Variants in MANEA observed in about 807,000 individuals in gnomAD.
MANEA encodes glycoprotein endo-alpha-1,2-mannosidase.
In MANEA, 25 loss-of-function variants were observed where a neutral mutation model predicts 36.8. The observed-to-expected ratio is 0.68, with a 90% CI of 0.50 to 0.95. The LOEUF (loss-of-function observed/expected upper bound fraction) is 0.95, where lower values mean the gene tolerates loss of function less well. Ranked by LOEUF, MANEA falls within the 40% of genes least tolerant of loss-of-function variation. MANEA has a pLI of 0.00. For missense variants in MANEA, 565 were observed against 558.8 expected (o/e 1.01, Z -0.11); for synonymous variants, 198 against 188.5 (o/e 1.05, Z -0.41).
chr6:95,581,794 G>C (rs553469078), intron 1 of MANEA, among the ~76,000 whole-genome samples: 16 of 152,134 alleles, frequency 1.1e-4, no homozygotes, highest in African/African-American at 3.9e-4. Context: ...AAATCTGTTA[G>C]TTATTTCTCC....
intron 2 of MANEA, among the ~76,000 whole-genome samples, chr6:95,595,975 A>G (rs1456478600): frequency 6.6e-6 from 1 of 152,190 alleles, no homozygotes; most frequent in Non-Finnish European, 1.5e-5. Flanking sequence ...AGGTGAATGT[A>G]TAAAATAAAT....
Position 95,605,740 on chromosome 6 carries a change from T to A in MANEA, c.732-8T>A, listed in dbSNP as rs536678192. 1.3e-5 allele frequency: 20 copies of A among 1,596,310 alleles called. No individual in the cohort carries two copies. The highest frequency in any genetic ancestry group is 1.5e-5 in the Non-Finnish European group (18 of 1,167,984). The stretch of plus-strand genomic sequence containing the variant: ...TTCATTTCACTTTTATATATGCTTA[T>A]TTTCTAGATATGGAAATCATCCGGC... On this transcript the variant is annotated splice_region_variant and splice_polypyrimidine_tract_variant and intron_variant, in intron 4 of 4. Coordinates refer to ENST00000358812, the MANE Select transcript of MANEA (RefSeq NM_024641.4).
intron 2 of MANEA, among the ~76,000 whole-genome samples, chr6:95,589,416 G>T (rs1769343148): frequency 6.6e-6 from 1 of 152,128 alleles, no homozygotes; most frequent in South Asian, 2.1e-4. Flanking sequence ...AAGTAATTAT[G>T]CTGTTATATC....
At chr6:95,580,812 G>T (rs893668266) in intron 1 of MANEA, among the ~76,000 whole-genome samples, 1 of 151,984 alleles carries the variant, frequency 6.6e-6, no homozygotes, top group Non-Finnish European at 1.5e-5. Context: ...TTTCACTGTG[G>T]AATTAGGAGA....
At chr6:95,579,355 G>A (rs919795672) in intron 1 of MANEA, among the ~76,000 whole-genome samples, 22 of 152,202 alleles carry the variant, frequency 1.4e-4, no homozygotes, top group Admixed American at 1.3e-3. Context: ...CATGGCAACA[G>A]AGTGAGACTC....
Position 95,607,740 on chromosome 6 carries a change from TAC to T in MANEA, c.*1337_*1338del, listed in dbSNP as rs1469566399. On this transcript the variant is annotated 3_prime_UTR_variant, in exon 5 of 5. Coordinates refer to ENST00000358812, the MANE Select transcript of MANEA (RefSeq NM_024641.4). ...AACTAAATAAAATGCACTGTATTCT[TAC>T]AGTTAATGTTTATAACTATAGTAAA... is the stretch of plus-strand genomic sequence containing the variant. 6.6e-6 allele frequency: 1 copy of T among 151,720 alleles called. No individual in the cohort carries two copies. The highest frequency in any genetic ancestry group is 1.5e-5 in the Non-Finnish European group (1 of 67,750). The allele number at this position is 151,720 out of a possible 1,614,324, so 9.4% of individuals were successfully genotyped here.
At chr6:95,584,416 C>G (rs867969631) in intron 1 of MANEA, among the ~76,000 whole-genome samples, 17 of 152,236 alleles carry the variant, frequency 1.1e-4, no homozygotes, top group Middle Eastern at 6.8e-3. Flanking sequence ...AGCGGCCGCT[C>G]TGGGAGTGTC....
intron 3 of MANEA, among the ~76,000 whole-genome samples, chr6:95,600,832 C>T (rs1440372256): frequency 1.3e-5 from 2 of 152,174 alleles, no homozygotes; most frequent in Admixed American, 1.3e-4. Flanking sequence ...ATCCGTCTCA[C>T]AGTTAAACTT....
chr6:95,586,881 G>T lies in MANEA; in HGVS notation c.442G>T (p.Asp148Tyr). The T allele has an allele frequency of 6.2e-7, 1 of 1,613,614 alleles. No individual in the cohort carries two copies. Among genetic ancestry groups the T allele is most frequent in the Non-Finnish European group, 8.5e-7 (1 of 1,179,586 alleles). ...NYPQGRHNPP[D>Y]DIGSSFYPEL... Reference sequence around the variant, plus strand: ...TCCACAAGGGAGACACAACCCTCCAGATGACATTGGCTCCAGCTTTTATCC... The same window carrying T: ...TCCACAAGGGAGACACAACCCTCCATATGACATTGGCTCCAGCTTTTATCC... Residue 148 changes from aspartate (D) to tyrosine (Y), a missense_variant, in exon 2 of 5, where the codon GAT becomes TAT. Coordinates refer to ENST00000358812, the MANE Select transcript of MANEA (RefSeq NM_024641.4).
Position 95,578,442 on chromosome 6 carries a change from T to A in MANEA, c.-39+804T>A, listed in dbSNP as rs1769115574. Among the ~76,000 whole-genome samples, 3 of 152,180 alleles carry A rather than the reference T, an allele frequency of 2.0e-5. 1 individual carries two copies. In the South Asian group the frequency reaches 6.2e-4, roughly 31 times the overall value. On this transcript the variant is annotated intron_variant, in intron 1 of 4. Transcript: ENST00000358812. The stretch of plus-strand genomic sequence containing the variant: ...AACTTGAAAATAAGAAAAATGGGAC[T>A]GGAATAGGCTGTTCACGTTAAAGTA...
rs1769492297 is a variant in MANEA at position 95,596,829 on chromosome 6, CA to C, written c.638del (p.His213LeufsTer5). ...NLVPTILDKA[H>X]KYNLKVTFHI... ...GGTACCCACTATTTTGGATAAAGCT[CA>C]TAAATATAACCTAAAGGTATTTTAT... is the stretch of plus-strand genomic sequence containing the variant. On this transcript the variant is annotated frameshift_variant, in exon 3 of 5. Transcript: ENST00000358812. LOFTEE classifies it high-confidence loss of function. 3.2e-6 allele frequency: 5 copies of C among 1,547,202 alleles called. No individual in the cohort carries two copies. Among genetic ancestry groups the C allele is most frequent in the Non-Finnish European group, 4.5e-6 (5 of 1,119,866 alleles).
chr6:95,594,866 C>T (rs556836251), intron 2 of MANEA, among the ~76,000 whole-genome samples: 2 of 152,252 alleles, frequency 1.3e-5, no homozygotes, highest in South Asian at 2.1e-4. Context: ...AACAGACCTC[C>T]TTGCTCACTT....
intron 2 of MANEA, among the ~76,000 whole-genome samples, chr6:95,589,102 GATA>G (rs1431773273): frequency 7.4e-5 from 11 of 148,818 alleles, no homozygotes. Context: ...AAATAAACTT[GATA>G]ATAAAAGTGA....
intron 2 of MANEA, among the ~76,000 whole-genome samples, chr6:95,593,219 T>C (rs939915216): frequency 3.3e-5 from 5 of 152,342 alleles, no homozygotes; most frequent in Non-Finnish European, 7.4e-5. Context: ...CGACAATCAC[T>C]GGCGTGGTTC....
rs1769706717 is a variant in MANEA, at chr6:95,606,149, A to G, written c.1133A>G (p.Asn378Ser). The change falls in exon 5 of 5, where the codon AAT becomes AGT. Residue 378 changes from asparagine to serine, a missense_variant. Coordinates refer to ENST00000358812, the MANE Select transcript of MANEA (RefSeq NM_024641.4). ...ACGCAAAACACTCGGAACCGAATCAATGGGAAGTATTATGAAATTGGTCTG... is the reference window on the plus strand; with the variant it reads ...ACGCAAAACACTCGGAACCGAATCAGTGGGAAGTATTATGAAATTGGTCTG... ...WNTQNTRNRI[N>S]GKYYEIGLSA... 4.3e-6 allele frequency: 7 copies of G among 1,614,128 alleles called. No individual in the cohort carries two copies. The highest frequency in any genetic ancestry group is 5.1e-6 in the Non-Finnish European group (6 of 1,179,992).
intron 4 of MANEA, among the ~76,000 whole-genome samples, chr6:95,605,369 G>C (rs1769684189): frequency 6.6e-6 from 1 of 152,066 alleles, no homozygotes; most frequent in Non-Finnish European, 1.5e-5. Flanking sequence ...AATAGTCTGT[G>C]ACAGATGCCA....
At position 95,605,777 on chromosome 6, in the gene MANEA, A is replaced by G. The variant is rs1381643617; in HGVS notation, c.761A>G (p.Tyr254Cys). Residue 254 changes from tyrosine (Y) to cysteine (C), a missense_variant, in exon 5 of 5, where the codon TAC becomes TGC. Transcript: ENST00000358812. ...KYGNHPAFYR[Y>C]KTKTGNALPM... ...GGAAATCATCCGGCCTTTTACAGGTACAAGACGAAGACTGGCAATGCTCTT... is the reference window on the plus strand; with the variant it reads ...GGAAATCATCCGGCCTTTTACAGGTGCAAGACGAAGACTGGCAATGCTCTT... The G allele has an allele frequency of 9.3e-6, 15 of 1,613,042 alleles. No homozygotes were observed. The highest frequency in any genetic ancestry group is 2.2e-5 in the East Asian group (1 of 44,850).
At chr6:95,591,534 A>AT (rs942292934) in intron 2 of MANEA, among the ~76,000 whole-genome samples, 11 of 145,142 alleles carry the variant, frequency 7.6e-5, no homozygotes, top group African/African-American at 2.5e-4. Context: ...GCTGCATTTA[A>AT]TTTTTTTCTT....
chr6:95,606,401 C>T lies in MANEA; in HGVS notation c.1385C>T (p.Ser462Phe). 1.3e-6 allele frequency: 2 copies of T among 1,585,474 alleles called. No homozygotes were observed. Among genetic ancestry groups the T allele is most frequent in the South Asian group, 1.1e-5 (1 of 88,808 alleles). The change falls in exon 5 of 5, where the codon TCT becomes TTT. Residue 462 changes from serine to phenylalanine, a missense_variant. Ser to Phe is a radical substitution (Grantham distance 155, BLOSUM62 -2). Transcript: ENST00000358812. ...TYALDRQLPV[S>F] ...GCATTAGATCGCCAGCTGCCTGTTT[C>T]TTAATGCATTGATTAAAGTTTAATA...
Sources: allele counts gnomAD v4.1 joint callset (sites outside exome capture counted in the v4.1 genomes callset), GRCh38; gene constraint gnomAD v4.1.1; transcripts MANE v1.5; gene names NCBI Gene and HGNC (gene_info 2026-07-23, HGNC 2026-07-21).